Variants in C4orf50 observed in about 807,000 individuals in gnomAD.
C4orf50 encodes uncharacterized protein C4orf50.
In C4orf50, 80 loss-of-function variants were observed where a neutral mutation model predicts 77.2. The observed-to-expected ratio is 1.04, with a 90% CI of 0.87 to 1.25. The LOEUF (loss-of-function observed/expected upper bound fraction) is 1.25, where lower values mean the gene tolerates loss of function less well. Ranked by LOEUF, C4orf50 falls within the 50% of genes most tolerant of loss-of-function variation. The probability of loss-of-function intolerance (pLI) is 0.00; values close to 1 mark genes in which losing one functional copy is unlikely to be tolerated. For synonymous variants in C4orf50, 532 were observed against 465.3 expected, an observed-to-expected ratio of 1.14 and a Z score of -1.84; for missense variants, 1,257 against 1,152.9, an observed-to-expected ratio of 1.09 and a Z score of -1.31.
intron 7 of C4orf50, among the ~76,000 whole-genome samples, chr4:5,935,899 C>T (rs750048801): frequency 1.3e-5 from 2 of 151,744 alleles, no homozygotes; most frequent in Non-Finnish European, 2.9e-5. Context: ...GGTTAAGTTC[C>T]CCCAAGAACA....
chr4:5,929,699 C>T (rs1034783382), intron 7 of C4orf50, among the ~76,000 whole-genome samples: 3 of 152,220 alleles, frequency 2.0e-5, no homozygotes, highest in African/African-American at 7.2e-5. Context: ...TCCAGGCTGC[C>T]CAGCGCTCTG....
intron 28 of C4orf50, among the ~76,000 whole-genome samples, chr4:5,981,057 ATTTT>A (rs1266706868): frequency 2.6e-5 from 4 of 152,144 alleles, no homozygotes; most frequent in Non-Finnish European, 4.4e-5. Flanking sequence ...CTAAATTCTT[ATTTT>A]TTTAAATAAC....
At chr4:5,995,184 TG>T (rs1004680820) in intron 25 of C4orf50, among the ~76,000 whole-genome samples, 1 of 151,946 alleles carries the variant, frequency 6.6e-6, no homozygotes, top group African/African-American at 2.4e-5. Context: ...GTGGGGGCAG[TG>T]AGTCACCCCG....
At chr4:5,926,195 T>C (rs1717504026) in intron 7 of C4orf50, among the ~76,000 whole-genome samples, 1 of 152,188 alleles carries the variant, frequency 6.6e-6, no homozygotes, top group Non-Finnish European at 1.5e-5. Flanking sequence ...AAAATGTTCA[T>C]CAGCTGGTGA....
At chr4:5,963,843 G>C (rs1478547009) in intron 33 of C4orf50, among the ~76,000 whole-genome samples, 1 of 152,188 alleles carries the variant, frequency 6.6e-6, no homozygotes. Flanking sequence ...GGCAGATGAA[G>C]TACTTGCCCA....
At chr4:5,906,043 G>A (rs1716537195) in intron 7 of C4orf50, among the ~76,000 whole-genome samples, 1 of 152,106 alleles carries the variant, frequency 6.6e-6, no homozygotes, top group South Asian at 2.1e-4. Context: ...AACAGTGGAG[G>A]CGCGGACAGC....
At position 5,958,921 on chromosome 4, in the gene C4orf50, G is replaced by T. The variant is rs998270817; in HGVS notation, c.*454C>A. On this transcript the variant is annotated 3_prime_UTR_variant, in exon 34 of 34. Transcript: ENST00000531445. This position sits in a 1 kb window ranked among gnomAD's most constrained non-coding sequence, Gnocchi z 5.4. ...CTGGACTCTCGACCTCAGCACTGGC[G>T]ACCCTCGGGCTGTAATTCTTTGCTG... 6.2e-6 allele frequency: 1 copy of T among 162,334 alleles called. No individual in the cohort carries two copies. The highest frequency in any genetic ancestry group is 2.4e-5 in the African/African-American group (1 of 41,690). The allele number at this position is 162,334 out of a possible 1,614,324, so 10.1% of individuals were successfully genotyped here. A position where few individuals can be genotyped will look rare whatever the true frequency, so the allele number is the denominator to read the frequency against.
At chr4:6,014,282 G>A (rs1448747645) in intron 23 of C4orf50, among the ~76,000 whole-genome samples, 3 of 152,280 alleles carry the variant, frequency 2.0e-5, no homozygotes, top group Admixed American at 6.5e-5. Flanking sequence ...GATTACAGAC[G>A]CGAGCAACCG....
At chr4:5,940,913 C>G (rs1348218959) in intron 7 of C4orf50, among the ~76,000 whole-genome samples, 1 of 152,160 alleles carries the variant, frequency 6.6e-6, no homozygotes, top group Non-Finnish European at 1.5e-5. Context: ...AAAAAACAGT[C>G]AACTGATGCC....
chr4:6,007,662 A>G lies in C4orf50; in HGVS notation c.963+334T>C, dbSNP rs1722300195. ...CGTGGACAAACAGGTGTTAGGATGA[A>G]TGGCAAAATGATGGTGGGTAGGTGG... is the stretch of plus-strand genomic sequence containing the variant. On this transcript the variant is annotated intron_variant, in intron 25 of 33. Transcript: ENST00000531445. This position sits in a 1 kb window ranked among gnomAD's most constrained non-coding sequence, Gnocchi z 4.1. 6.6e-6 allele frequency among the ~76,000 whole-genome samples: 1 copy of G among 152,166 alleles called. No homozygotes were observed. Among genetic ancestry groups the G allele is most frequent in the Non-Finnish European group, 1.5e-5 (1 of 68,034 alleles).
At chr4:5,988,153 C>G (rs1044302303) in intron 28 of C4orf50, among the ~76,000 whole-genome samples, 194 bp downstream of exon 6, 1 of 152,202 alleles carries the variant, frequency 6.6e-6, no homozygotes, top group African/African-American at 2.4e-5. Context: ...AGTCCCTGCT[C>G]CATCCCTCAC....
At chr4:5,955,661 C>T (rs1368686266), downstream of C4orf50, among the ~76,000 whole-genome samples, 1 of 152,176 alleles carries the variant, frequency 6.6e-6, no homozygotes, top group Non-Finnish European at 1.5e-5. The surrounding 1 kb of genome is among the most constrained non-coding windows in gnomAD (Gnocchi z 5.1). Flanking sequence ...TCCAAACTGC[C>T]CAGTGCTCTA....
chr4:5,978,882 T>C (rs560049204), intron 29 of C4orf50, among the ~76,000 whole-genome samples: 1 of 152,318 alleles, frequency 6.6e-6, no homozygotes, highest in Non-Finnish European at 1.5e-5. Flanking sequence ...AGTCAAATAA[T>C]CATATGTATG....
intron 25 of C4orf50, among the ~76,000 whole-genome samples, chr4:6,004,632 CTGTGATGGTGATGGTGATTATGG>C (rs1722161113): frequency 1.3e-5 from 1 of 79,988 alleles, no homozygotes; most frequent in Non-Finnish European, 2.6e-5. Context: ...GTGATGGTGA[CTGTGATGGTGATGGTGATTATGG>C]TGATGATGTG....
intron 7 of C4orf50, among the ~76,000 whole-genome samples, chr4:5,936,281 G>T (rs1408280036): frequency 1.3e-5 from 2 of 152,100 alleles, no homozygotes; most frequent in Non-Finnish European, 2.9e-5. Context: ...ACAGAAAGAG[G>T]ATGGGTGCGG....
At chr4:5,973,782 C>G (rs758469610) in exon 31 of C4orf50, 2 of 1,613,758 alleles carry the variant, frequency 1.2e-6, no homozygotes, top group South Asian at 1.1e-5. Context: ...GCTCCTGCAG[C>G]AGGTGGGTGA....
At chr4:5,994,956 T>C (rs984372065) in intron 25 of C4orf50, among the ~76,000 whole-genome samples, 10 of 152,114 alleles carry the variant, frequency 6.6e-5, no homozygotes, top group Non-Finnish European at 1.3e-4. Flanking sequence ...AAGCGAGAGA[T>C]CTAGGTTGGG....
At chr4:5,954,580 G>A (rs1718868422), downstream of C4orf50, among the ~76,000 whole-genome samples, 1 of 152,128 alleles carries the variant, frequency 6.6e-6, no homozygotes, top group Admixed American at 6.5e-5. This position sits in a 1 kb window ranked among gnomAD's most constrained non-coding sequence, Gnocchi z 4.7. Context: ...TCCCACCTAG[G>A]CCTCCACGGC....
intron 30 of C4orf50, among the ~76,000 whole-genome samples, chr4:5,975,635 C>T (rs1257070413): frequency 6.6e-6 from 1 of 152,108 alleles, no homozygotes; most frequent in Non-Finnish European, 1.5e-5. Context: ...CCTCAGCCCT[C>T]CCAAGTAACT....
Sources: gnomAD v4.1 joint callset for allele counts (sites outside exome capture counted in the v4.1 genomes callset) on GRCh38, gnomAD v4.1.1 for gene constraint, Gnocchi (gnomAD v3.1) non-coding constraint, MANE v1.5 for transcripts, NCBI Gene and HGNC (gene_info 2026-07-23, HGNC 2026-07-21) for gene names.